Variants in SPOCK3 observed in about 807,000 individuals in gnomAD.
The protein encoded by SPOCK3 is SPARC (osteonectin), cwcv and kazal like domains proteoglycan 3.
A neutral mutation model predicts 56.6 loss-of-function variants in SPOCK3; 30 were observed. The observed-to-expected ratio is 0.53, with a 90% CI of 0.40 to 0.72. The LOEUF is 0.72. Among genes scored for constraint, SPOCK3 ranks in the 30% least tolerant of loss-of-function variants. SPOCK3 has a pLI of 0.00. For synonymous variants in SPOCK3, 196 were observed against 183.3 expected (o/e 1.07, Z -0.56); for missense variants, 527 against 530.0 (o/e 0.99, Z 0.06).
intron 2 of SPOCK3, among the ~76,000 whole-genome samples, chr4:167,110,561 C>A (rs546471721): frequency 2.0e-5 from 3 of 151,882 alleles, no homozygotes; most frequent in Admixed American, 1.3e-4. Flanking sequence ...AACCAAAGAA[C>A]AAAAAGGTGA....
chr4:167,077,212 G>A (rs1757270075), intron 2 of SPOCK3, among the ~76,000 whole-genome samples: 1 of 151,598 alleles, frequency 6.6e-6, no homozygotes, highest in Non-Finnish European at 1.5e-5. Context: ...AGTTTTAAAA[G>A]GATAATAATT....
intron 2 of SPOCK3, among the ~76,000 whole-genome samples, chr4:167,079,347 G>T (rs1355342096): frequency 1.3e-5 from 2 of 151,924 alleles, no homozygotes; most frequent in Admixed American, 6.6e-5. Context: ...TCCCTTGATA[G>T]AATCTAATTT....
chr4:166,862,420 C>T (rs62353220), intron 6 of SPOCK3, among the ~76,000 whole-genome samples: 11,699 of 152,008 alleles, frequency 0.077, 541 homozygotes, highest in Non-Finnish European at 0.1. Flanking sequence ...AATTCATGGG[C>T]TCATACACAA....
intron 3 of SPOCK3, among the ~76,000 whole-genome samples, chr4:167,035,455 G>C (rs6818745): frequency 6.6e-6 from 1 of 151,622 alleles, no homozygotes; most frequent in Admixed American, 6.6e-5. Flanking sequence ...GAAACCTTAC[G>C]AGCCAGCTCA....
At chr4:166,906,828 A>C (rs1736674446) in intron 5 of SPOCK3, among the ~76,000 whole-genome samples, 1 of 151,952 alleles carries the variant, frequency 6.6e-6, no homozygotes, top group African/African-American at 2.4e-5. Context: ...AAGGGTAATT[A>C]ATTTAGAAAA....
At chr4:167,058,865 G>A (rs1361345177) in intron 3 of SPOCK3, among the ~76,000 whole-genome samples, 2 of 152,060 alleles carry the variant, frequency 1.3e-5, no homozygotes, top group Non-Finnish European at 2.9e-5. Flanking sequence ...CAACTACCTG[G>A]TCTTTGACAA....
chr4:166,980,861 C>T (rs559536562), intron 4 of SPOCK3, among the ~76,000 whole-genome samples: 1 of 152,322 alleles, frequency 6.6e-6, no homozygotes, highest in South Asian at 2.1e-4. Context: ...TAAATCTGGG[C>T]TCCCAGAATG....
At chr4:166,742,234 C>CATCT (rs3077121) in intron 8 of SPOCK3, among the ~76,000 whole-genome samples, 175 bp from the exon 9 acceptor site, 38,828 of 121,442 alleles carry the variant, frequency 0.32, 5,293 homozygotes, top group East Asian at 0.51. Flanking sequence ...GTCTATCTAT[C>CATCT]ATCTATCTAT....
chr4:166,834,018 A>G (rs932120342), intron 6 of SPOCK3, among the ~76,000 whole-genome samples: 4 of 152,182 alleles, frequency 2.6e-5, no homozygotes, highest in Admixed American at 6.5e-5. Flanking sequence ...TCTTACTCAG[A>G]GCAAAAACGT....
At chr4:166,900,000 T>G (rs1735868163) in intron 5 of SPOCK3, among the ~76,000 whole-genome samples, 1 of 152,144 alleles carries the variant, frequency 6.6e-6, no homozygotes, top group South Asian at 2.1e-4. Context: ...CCTTTACAAC[T>G]CAACTAAACC....
At chr4:167,065,067 C>G (rs528579683) in intron 2 of SPOCK3, among the ~76,000 whole-genome samples, 2 of 82,224 alleles carry the variant, frequency 2.4e-5, no homozygotes, top group Non-Finnish European at 4.6e-5. Flanking sequence ...AAAAGTCAAA[C>G]GCAGCAAATT....
chr4:167,060,284 C>T (rs28447083), intron 3 of SPOCK3, among the ~76,000 whole-genome samples: 8,165 of 147,954 alleles, frequency 0.055, 338 homozygotes, highest in African/African-American at 0.11. Context: ...GTAAAATAAA[C>T]CAGGCACAGA....
chr4:166,918,105 A>T (rs1038803514), intron 4 of SPOCK3, among the ~76,000 whole-genome samples: 1 of 152,022 alleles, frequency 6.6e-6, no homozygotes, highest in Non-Finnish European at 1.5e-5. Flanking sequence ...TTTCTTCCCT[A>T]TTGGTCATAA....
chr4:166,898,041 TA>T (rs142655461), intron 5 of SPOCK3, among the ~76,000 whole-genome samples: 11 of 146,122 alleles, frequency 7.5e-5, no homozygotes, highest in South Asian at 2.2e-4. Flanking sequence ...AAAATAAAAA[TA>T]AAAAAAAAAG....
chr4:167,211,532 T>C (rs545982397), intron 2 of SPOCK3, among the ~76,000 whole-genome samples: 14 of 152,264 alleles, frequency 9.2e-5, no homozygotes, highest in African/African-American at 3.1e-4. Context: ...TATGAGGTAA[T>C]TGAATCATGG....
At chr4:166,829,799 T>C (rs1474996278) in intron 6 of SPOCK3, among the ~76,000 whole-genome samples, 1 of 152,098 alleles carries the variant, frequency 6.6e-6, no homozygotes, top group African/African-American at 2.4e-5. Flanking sequence ...CTTACTGTTT[T>C]ACACCAGGAG....
intron 6 of SPOCK3, among the ~76,000 whole-genome samples, chr4:166,795,762 G>T (rs983162548): frequency 1.3e-5 from 2 of 151,596 alleles, no homozygotes; most frequent in African/African-American, 4.8e-5. Flanking sequence ...TTTTTTTCAG[G>T]TGTCAAACTT....
chr4:167,048,991 T>C (rs1753959003), intron 3 of SPOCK3, among the ~76,000 whole-genome samples: 2 of 152,108 alleles, frequency 1.3e-5, no homozygotes, highest in Admixed American at 6.6e-5. Context: ...AACTGAAAAA[T>C]CACTTAGCTT....
intron 4 of SPOCK3, among the ~76,000 whole-genome samples, chr4:166,965,556 T>C (rs1041844275): frequency 2.6e-5 from 4 of 152,048 alleles, no homozygotes; most frequent in Admixed American, 2.6e-4. Context: ...TCATTATTGA[T>C]ATCATTGTTC....
Sources: gnomAD v4.1 joint callset for allele counts (sites outside exome capture counted in the v4.1 genomes callset) on GRCh38, gnomAD v4.1.1 for gene constraint, MANE v1.5 for transcripts, NCBI Gene and HGNC (gene_info 2026-07-23, HGNC 2026-07-21) for gene names.